C3orf52: variants seen among roughly 807,000 people sequenced by gnomAD.
The protein encoded by C3orf52 is TPA-induced transmembrane protein.
In C3orf52, 22 loss-of-function variants were observed where a neutral mutation model predicts 24.8. That is an observed-to-expected ratio of 0.89 (90% confidence interval 0.63 to 1.27). The LOEUF is 1.27. Ranked by LOEUF, C3orf52 falls within the 50% of genes most tolerant of loss-of-function variation. The pLI, the probability that C3orf52 is intolerant of heterozygous loss-of-function variation, is 0.00. For missense variants in C3orf52, 265 were observed against 260.7 expected, an observed-to-expected ratio of 1.02 and a Z score of -0.11; for synonymous variants, 93 against 100.2, an observed-to-expected ratio of 0.93 and a Z score of 0.43.
intron 2 of C3orf52, among the ~76,000 whole-genome samples, chr3:112,093,991 G>GTATT (rs2073903250): frequency 6.6e-6 from 1 of 151,046 alleles, no homozygotes; most frequent in Non-Finnish European, 1.5e-5. Context: ...TTAACTTATT[G>GTATT]TATTTATTTA....
intron 2 of C3orf52, among the ~76,000 whole-genome samples, chr3:112,097,202 A>G (rs976221501): frequency 6.6e-6 from 1 of 152,178 alleles, no homozygotes; most frequent in Non-Finnish European, 1.5e-5. Flanking sequence ...GAGTGTTCTC[A>G]AGGGTTCTCC....
intron 3 of C3orf52, among the ~76,000 whole-genome samples, chr3:112,103,870 G>C (rs563717796): frequency 1.3e-5 from 2 of 152,290 alleles, no homozygotes; most frequent in South Asian, 4.2e-4. Flanking sequence ...AAGGAAGGCA[G>C]GCGTCAGGTC....
At position 112,102,923 on chromosome 3, in the gene C3orf52, G is replaced by A; in HGVS notation, c.354G>A (p.Glu118=). 1 of 1,611,884 alleles carries A rather than the reference G, an allele frequency of 6.2e-7. No individual in the cohort carries two copies. Among genetic ancestry groups the A allele is most frequent in the Non-Finnish European group, 8.5e-7 (1 of 1,179,058 alleles). The part of the protein sequence containing the change: ...TFFIMLKIPE[E]CVAEEELPHL... Reference sequence around the variant, plus strand: ...TCATCATGCTGAAGATTCCAGAGGAGTGTGTTGCTGAAGAGGAATTGCCTC... The same window carrying A: ...TCATCATGCTGAAGATTCCAGAGGAATGTGTTGCTGAAGAGGAATTGCCTC... The change falls in exon 3 of 6, where the codon GAG becomes GAA. Residue 118 remains glutamate, a synonymous_variant. Transcript: ENST00000264848.
At chr3:112,103,051 A>G (rs2073989316) in intron 3 of C3orf52, 86 bp downstream of exon 3, 8 of 1,248,860 alleles carry the variant, frequency 6.4e-6, no homozygotes, top group Non-Finnish European at 6.7e-6. Flanking sequence ...GCTATAGAGT[A>G]AGTAGCTTCA....
chr3:112,102,338 G>T (rs1357314255), intron 2 of C3orf52, among the ~76,000 whole-genome samples: 1 of 152,030 alleles, frequency 6.6e-6, no homozygotes, highest in East Asian at 1.9e-4. Context: ...AACCCTCTGG[G>T]TCTGTTTTCC....
chr3:112,132,426 A>G (rs2107817921), downstream of C3orf52, among the ~76,000 whole-genome samples: 1 of 152,294 alleles, frequency 6.6e-6, no homozygotes, highest in South Asian at 2.1e-4. Flanking sequence ...CACGGCTTTG[A>G]TATTAAGGAA....
At chr3:112,129,240 GAGATA>G (rs1290523145), downstream of C3orf52, 1 of 152,198 alleles carries the variant, frequency 6.6e-6, no homozygotes, top group African/African-American at 2.4e-5. Context: ...AGAAATGAAT[GAGATA>G]AGAGGAGGGG....
At chr3:112,126,678 G>C (rs1241919892) in intron 4 of C3orf52, among the ~76,000 whole-genome samples, 1 of 152,106 alleles carries the variant, frequency 6.6e-6, no homozygotes, top group Non-Finnish European at 1.5e-5. Flanking sequence ...CCCTATCCCA[G>C]GCTGGCTTTC....
downstream of C3orf52, chr3:112,130,595 T>C: frequency 8.4e-7 from 1 of 1,195,882 alleles, no homozygotes; most frequent in Non-Finnish European, 1.2e-6. Context: ...CCGACTTTCC[T>C]CATTTCTGCT....
chr3:112,125,336 A>T (rs1157405508), intron 4 of C3orf52: 1 of 967,728 alleles, frequency 1.0e-6, no homozygotes, highest in African/African-American at 1.6e-5. Flanking sequence ...GAATATAAAT[A>T]ACTAAAAAGC....
intron 2 of C3orf52, among the ~76,000 whole-genome samples, chr3:112,101,362 C>A (rs1261458878): frequency 1.3e-5 from 2 of 152,196 alleles, no homozygotes; most frequent in Non-Finnish European, 2.9e-5. Flanking sequence ...TGTGACAACA[C>A]ATGTGAGATC....
chr3:112,112,744 T>G, intron 4 of C3orf52: 1 of 575,734 alleles, frequency 1.7e-6, no homozygotes, highest in Non-Finnish European at 3.2e-6. Context: ...GGATAGGTAC[T>G]AGGTGGAAGG....
rs1379799565 is a variant in C3orf52 at position 112,117,754 on chromosome 3, T to C, written c.*1108T>C. 2.6e-5 allele frequency: 4 copies of C among 152,226 alleles called. No individual in the cohort carries two copies. Among genetic ancestry groups the C allele is most frequent in the African/African-American group, 9.7e-5 (4 of 41,440 alleles). 9.4% of individuals were successfully genotyped at this position (152,226 alleles called of 1,614,324 possible). On this transcript the variant is annotated 3_prime_UTR_variant, in exon 6 of 6. Coordinates refer to ENST00000264848, the MANE Select transcript of C3orf52 (RefSeq NM_024616.3). Reference sequence around the variant, plus strand: ...GGAGGAATATTAGCAACTGTATTGGTTGTCTACAGATACAGAATTGCCTGT... The same window carrying C: ...GGAGGAATATTAGCAACTGTATTGGCTGTCTACAGATACAGAATTGCCTGT...
chr3:112,134,670 T>A (rs943977862), downstream of C3orf52: 4 of 152,236 alleles, frequency 2.6e-5, no homozygotes, highest in Non-Finnish European at 5.9e-5. Context: ...TCTAAGACTG[T>A]GTGTACAAAT....
At chr3:112,129,518 G>A (rs530241946), downstream of C3orf52, 7 of 152,246 alleles carry the variant, frequency 4.6e-5, no homozygotes, top group Non-Finnish European at 7.3e-5. Flanking sequence ...CTTAGGCTAC[G>A]TGTCAGGAAT....
chr3:112,117,362 A>G lies in C3orf52; in HGVS notation c.*716A>G, dbSNP rs768116010. The G allele has an allele frequency of 2.1e-5, 4 of 195,110 alleles. No individual in the cohort carries two copies. The highest frequency in any genetic ancestry group is 1.2e-4 in the East Asian group (1 of 8,108). The allele number at this position is 195,110 out of a possible 1,614,324, so 12.1% of individuals were successfully genotyped here. ...CAAGGTTACTTTGAAATCTATGTATATAGCTAGTTACAGACGGGAGCTATG... is the reference window on the plus strand; with the variant it reads ...CAAGGTTACTTTGAAATCTATGTATGTAGCTAGTTACAGACGGGAGCTATG... On this transcript the variant is annotated 3_prime_UTR_variant, in exon 6 of 6. Coordinates refer to ENST00000264848, the MANE Select transcript of C3orf52 (RefSeq NM_024616.3).
At chr3:112,132,754 T>C, downstream of C3orf52, 1 of 700,126 alleles carries the variant, frequency 1.4e-6, no homozygotes, top group Non-Finnish European at 1.8e-6. Context: ...TTGTGGAGCA[T>C]GAGGAGCTCA....
chr3:112,128,059 C>T, intron 4 of C3orf52: 1 of 1,613,598 alleles, frequency 6.2e-7, no homozygotes, highest in Non-Finnish European at 8.5e-7. Context: ...GTGATCCCAG[C>T]ATCTAAAATA....
At chr3:112,131,953 A>G (rs1405731370), downstream of C3orf52, among the ~76,000 whole-genome samples, 1 of 152,214 alleles carries the variant, frequency 6.6e-6, no homozygotes, top group Admixed American at 6.5e-5. Flanking sequence ...ACAAAATTTT[A>G]AAGTAAAAAA....
Sources: allele counts gnomAD v4.1 joint callset (sites outside exome capture counted in the v4.1 genomes callset), GRCh38; gene constraint gnomAD v4.1.1; transcripts MANE v1.5; gene names NCBI Gene and HGNC (gene_info 2026-07-23, HGNC 2026-07-21).